PPARA: variants seen among roughly 807,000 people sequenced by gnomAD.
The protein encoded by PPARA is peroxisome proliferator activated receptor alpha.
In PPARA, 22 loss-of-function variants were observed where a neutral mutation model predicts 42.2. The observed-to-expected ratio is 0.52, with a 90% CI of 0.37 to 0.74. The LOEUF (loss-of-function observed/expected upper bound fraction) is 0.74, where lower values mean the gene tolerates loss of function less well. Ranked by LOEUF, PPARA falls within the 30% of genes least tolerant of loss-of-function variation. The pLI, the probability that PPARA is intolerant of heterozygous loss-of-function variation, is 0.00. For synonymous variants in PPARA, 242 were observed against 239.3 expected (o/e 1.01, Z -0.10); for missense variants, 465 against 608.2 (o/e 0.76, Z 2.48).
At chr22:46,169,576 G>A (rs1443688202) in intron 2 of PPARA, among the ~76,000 whole-genome samples, 1 of 151,866 alleles carries the variant, frequency 6.6e-6, no homozygotes, top group East Asian at 1.9e-4. Context: ...TGGTGGGAGT[G>A]AGGTGGTATA....
Position 46,183,440 on chromosome 22 carries a change from A to T in PPARA, c.-43+6604A>T, listed in dbSNP as rs139075777. ...GGGAAAGAAAAATAACTTGTGAGTAATTCAGAATCTGGATTATCAGGTCAG... is the reference window on the plus strand; with the variant it reads ...GGGAAAGAAAAATAACTTGTGAGTATTTCAGAATCTGGATTATCAGGTCAG... On this transcript the variant is annotated intron_variant, in intron 3 of 8. Coordinates refer to ENST00000407236, the MANE Select transcript of PPARA (RefSeq NM_005036.6). The surrounding 1 kb of genome is among the most constrained non-coding windows in gnomAD (Gnocchi z 5.5). Among the ~76,000 whole-genome samples, 899 of 152,368 alleles carry T rather than the reference A, an allele frequency of 5.9e-3. 6 individuals carry two copies. The highest frequency in any genetic ancestry group is 0.01 in the Non-Finnish European group (698 of 68,034).
intron 2 of PPARA, chr22:46,164,986 G>A (rs1926819198): frequency 1.3e-5 from 2 of 152,132 alleles, no homozygotes; most frequent in Non-Finnish European, 2.9e-5. Context: ...GTTTGAGAAC[G>A]TTAAGTTGGG....
rs1928383523 is a variant in PPARA at position 46,173,328 on chromosome 22, C to T, written c.-126-3425C>T. 6.6e-6 allele frequency among the ~76,000 whole-genome samples: 1 copy of T among 152,178 alleles called. No individual in the cohort carries two copies. Among genetic ancestry groups the T allele is most frequent in the South Asian group, 2.1e-4 (1 of 4,830 alleles). Reference sequence around the variant, plus strand: ...AAATAAGAAAGCCTTGGACACATTTCCAGTTGGCAAGCTGGCAAAATGAAG... The same window carrying T: ...AAATAAGAAAGCCTTGGACACATTTTCAGTTGGCAAGCTGGCAAAATGAAG... On this transcript the variant is annotated intron_variant, in intron 2 of 8. Transcript: ENST00000407236. This position sits in a 1 kb window ranked among gnomAD's most constrained non-coding sequence, Gnocchi z 4.3.
intron 4 of PPARA, among the ~76,000 whole-genome samples, chr22:46,214,400 C>T (rs1323914152): frequency 6.8e-6 from 1 of 148,050 alleles, no homozygotes; most frequent in East Asian, 2.0e-4. Context: ...AGGAGAAGTG[C>T]CAGTCCCGAG....
intron 5 of PPARA, among the ~76,000 whole-genome samples, chr22:46,215,758 AAAAAAG>A (rs975059853): frequency 1.4e-4 from 22 of 152,176 alleles, no homozygotes; most frequent in East Asian, 1.4e-3. Context: ...AAAAGAAAGA[AAAAAAG>A]AAAAAGAAAA....
intron 2 of PPARA, among the ~76,000 whole-genome samples, chr22:46,168,816 C>T (rs966048186): frequency 1.3e-5 from 2 of 152,018 alleles, no homozygotes; most frequent in South Asian, 4.1e-4. Flanking sequence ...TAAGAACTCT[C>T]ATACACTGCT....
rs1423883931 is a variant in PPARA at position 46,191,466 on chromosome 22, CCCTA to C, written c.-42-6875_-42-6872del. ...GGAGTGGAACTGATAATCTGTTCCT[CCCTA>C]TTGTGTTCAGTATGGTTTTTTTTTT... On this transcript the variant is annotated intron_variant, in intron 3 of 8. Coordinates refer to ENST00000407236, the MANE Select transcript of PPARA (RefSeq NM_005036.6). This position sits in a 1 kb window ranked among gnomAD's most constrained non-coding sequence, Gnocchi z 4.6. Among the ~76,000 whole-genome samples the C allele has an allele frequency of 6.6e-6, 1 of 151,946 alleles. No homozygotes were observed. Among genetic ancestry groups the C allele is most frequent in the African/African-American group, 2.4e-5 (1 of 41,334 alleles).
At chr22:46,155,025 A>AC (rs1925077119) in intron 2 of PPARA, 1 of 142,042 alleles carries the variant, frequency 7.0e-6, no homozygotes, top group Non-Finnish European at 1.5e-5. Context: ...AAAAAAAAAA[A>AC]AACCACATTA....
At chr22:46,177,259 A>G (rs886703969) in intron 3 of PPARA, among the ~76,000 whole-genome samples, 3 of 151,998 alleles carry the variant, frequency 2.0e-5, no homozygotes, top group Non-Finnish European at 2.9e-5. Context: ...ATAGCCTACT[A>G]GTGTTCTTCC....
chr22:46,165,681 A>G lies in PPARA; in HGVS notation c.-126-11072A>G, dbSNP rs376962709. Among the ~76,000 whole-genome samples, 2 of 152,240 alleles carry G rather than the reference A, an allele frequency of 1.3e-5. No homozygotes were observed. Among genetic ancestry groups the G allele is most frequent in the East Asian group, 1.9e-4 (1 of 5,202 alleles). On this transcript the variant is annotated intron_variant, in intron 2 of 8. Coordinates refer to ENST00000407236, the MANE Select transcript of PPARA (RefSeq NM_005036.6). This position sits in a 1 kb window ranked among gnomAD's most constrained non-coding sequence, Gnocchi z 5.5. ...TCAGCGTAATCGAGGACTGAAGTCC[A>G]GTTCTAGCTACGCCCAGTCCTTGAG...
intron 3 of PPARA, among the ~76,000 whole-genome samples, chr22:46,185,938 TATATATATATATATATATATATATATAC>T (rs1368020012): frequency 0.032 from 1,315 of 41,326 alleles, 165 homozygotes; most frequent in African/African-American, 0.049. Context: ...TATATATATA[TATATATATATATATATATATATATATAC>T]ACACACACTA....
chr22:46,197,622 C>G (rs191004031), intron 3 of PPARA, among the ~76,000 whole-genome samples: 2 of 152,052 alleles, frequency 1.3e-5, no homozygotes, highest in African/African-American at 4.8e-5. Flanking sequence ...AAGCAAGTGG[C>G]CAGGCGCAGT....
At chr22:46,174,448 C>T (rs1928699940) in intron 2 of PPARA, among the ~76,000 whole-genome samples, 1 of 151,910 alleles carries the variant, frequency 6.6e-6, no homozygotes, top group Non-Finnish European at 1.5e-5. Context: ...GTTATATATC[C>T]TAGCTATGTT....
rs189533011 is a variant in PPARA, at chr22:46,221,979, A to C, written c.711+1965A>C. Among the ~76,000 whole-genome samples the C allele has an allele frequency of 1.8e-4, 27 of 152,222 alleles. No individual in the cohort carries two copies. The highest frequency in any genetic ancestry group is 6.5e-4 in the African/African-American group (27 of 41,544). On this transcript the variant is annotated intron_variant, in intron 7 of 8. Transcript: ENST00000407236. The surrounding 1 kb of genome is among the most constrained non-coding windows in gnomAD (Gnocchi z 5.9). Reference sequence around the variant, plus strand: ...GTAATCCCAGCTACTTGGGAGGCTGAGGCAGGAGAATTGCTTGAACCTGGG... The same window carrying C: ...GTAATCCCAGCTACTTGGGAGGCTGCGGCAGGAGAATTGCTTGAACCTGGG...
intron 3 of PPARA, among the ~76,000 whole-genome samples, chr22:46,189,804 C>G (rs990257281): frequency 2.1e-4 from 32 of 151,796 alleles, no homozygotes; most frequent in African/African-American, 7.7e-4. Flanking sequence ...CTCCCAGGTT[C>G]AAGTGATTCT....
rs1933003737 is a variant in PPARA at position 46,204,032 on chromosome 22, C to G, written c.208+5441C>G. ...CCCCGTGCCTCCCTGCCTCCCTCCCCCAGTAAACCATGAATCCACTTTCTA... is the reference window on the plus strand; with the variant it reads ...CCCCGTGCCTCCCTGCCTCCCTCCCGCAGTAAACCATGAATCCACTTTCTA... On this transcript the variant is annotated intron_variant, in intron 4 of 8. Transcript: ENST00000407236. The surrounding 1 kb of genome is among the most constrained non-coding windows in gnomAD (Gnocchi z 5.2). Among the ~76,000 whole-genome samples, 1 of 152,244 alleles carries G rather than the reference C, an allele frequency of 6.6e-6. No homozygotes were observed. The highest frequency in any genetic ancestry group is 2.4e-5 in the African/African-American group (1 of 41,468).
chr22:46,231,994 A>G lies in PPARA; in HGVS notation c.914A>G (p.Gln305Arg). The change falls in exon 8 of 9, where the codon CAA (glutamine) becomes CGA (arginine). Residue 305 changes from glutamine (Q) to arginine (R), a missense_variant. Coordinates refer to ENST00000407236, the MANE Select transcript of PPARA (RefSeq NM_005036.6). This position sits in a 1 kb window ranked among gnomAD's most constrained non-coding sequence, Gnocchi z 7.7. ...TTCGCAAACTTGGACCTGAACGATC[A>G]AGTGACATTGCTAAAATACGGAGTT... is the stretch of plus-strand genomic sequence containing the variant. ...PGFANLDLND[Q>R]VTLLKYGVYE... 6.2e-7 allele frequency: 1 copy of G among 1,614,210 alleles called. No homozygotes were observed.
intron 7 of PPARA, among the ~76,000 whole-genome samples, chr22:46,226,170 T>TAC (rs1357648793): frequency 5.5e-5 from 8 of 144,494 alleles, no homozygotes; most frequent in African/African-American, 8.2e-5. Flanking sequence ...TATATATATA[T>TAC]ACACATGCTC....
chr22:46,159,862 C>T lies in PPARA; in HGVS notation c.-127+7892C>T, dbSNP rs116060367. On this transcript the variant is annotated intron_variant, in intron 2 of 8. Transcript: ENST00000407236. ...GCACTAACAGCGTTCAAAGAACTTG[C>T]GTGACAAGTGATGACTAATGACACT... is the stretch of plus-strand genomic sequence containing the variant. Among the ~76,000 whole-genome samples, 394 of 152,266 alleles carry T rather than the reference C, an allele frequency of 2.6e-3. 2 individuals carry two copies. Among genetic ancestry groups the T allele is most frequent in the African/African-American group, 9.1e-3 (379 of 41,550 alleles).
Sources: gnomAD v4.1 joint callset for allele counts (sites outside exome capture counted in the v4.1 genomes callset) on GRCh38, gnomAD v4.1.1 for gene constraint, Gnocchi (gnomAD v3.1) non-coding constraint, MANE v1.5 for transcripts, NCBI Gene and HGNC (gene_info 2026-07-23, HGNC 2026-07-21) for gene names.